The following ITGBL1 variants were observed in gnomAD, a reference collection of about 807,000 sequenced individuals.
ITGBL1 encodes the protein integrin subunit beta like 1.
In ITGBL1, 51 loss-of-function variants were observed where a neutral mutation model predicts 68.5. The ratio of observed to expected loss-of-function variants is 0.74; its 90% CI spans 0.59 to 0.94. The LOEUF is 0.94. Among genes scored for constraint, ITGBL1 ranks in the 40% least tolerant of loss-of-function variants. The probability of loss-of-function intolerance (pLI) is 0.00; values close to 1 mark genes in which losing one functional copy is unlikely to be tolerated. For missense variants in ITGBL1, 649 were observed against 647.4 expected, an observed-to-expected ratio of 1.00 and a Z score of -0.03; for synonymous variants, 209 against 227.3, an observed-to-expected ratio of 0.92 and a Z score of 0.72.
intron 2 of ITGBL1, among the ~76,000 whole-genome samples, chr13:101,523,048 G>A (rs1478951711): frequency 6.6e-6 from 1 of 152,108 alleles, no homozygotes. Context: ...AGTTAAAAAT[G>A]CAGACAAATG....
intron 4 of ITGBL1, 47 bp from the exon 5 acceptor site, chr13:101,579,240 T>C (rs1450368821): frequency 6.3e-7 from 1 of 1,596,576 alleles, no homozygotes. Context: ...ATTCTGCTTA[T>C]GAAAGTTGCT....
chr13:101,599,797 T>C (rs1160589494), intron 7 of ITGBL1, among the ~76,000 whole-genome samples: 1 of 152,166 alleles, frequency 6.6e-6, no homozygotes, highest in Non-Finnish European at 1.5e-5. Flanking sequence ...TTGATCTATA[T>C]CTCTGTTTTG....
intron 8 of ITGBL1, among the ~76,000 whole-genome samples, chr13:101,705,848 T>C (rs2139585460): frequency 6.6e-6 from 1 of 152,176 alleles, no homozygotes; most frequent in South Asian, 2.1e-4. Flanking sequence ...ACTTTGTCCA[T>C]GGTGCTTGAT....
chr13:101,631,116 A>G (rs1023368410), intron 7 of ITGBL1, among the ~76,000 whole-genome samples: 6 of 152,166 alleles, frequency 3.9e-5, no homozygotes, highest in African/African-American at 1.4e-4. Flanking sequence ...AACTCTGTCC[A>G]ACCAATATTT....
chr13:101,616,355 T>A (rs1249422721), intron 7 of ITGBL1, among the ~76,000 whole-genome samples: 1 of 152,166 alleles, frequency 6.6e-6, no homozygotes, highest in African/African-American at 2.4e-5. Context: ...AGATCTCCAG[T>A]GTGAATATGA....
chr13:101,541,590 C>T (rs980446701), intron 2 of ITGBL1, among the ~76,000 whole-genome samples: 5 of 152,058 alleles, frequency 3.3e-5, no homozygotes, highest in African/African-American at 1.2e-4. Flanking sequence ...GGGAGGATTC[C>T]CTCTTTTTCT....
intron 7 of ITGBL1, among the ~76,000 whole-genome samples, chr13:101,631,247 T>C (rs889189618): frequency 3.3e-5 from 5 of 152,178 alleles, no homozygotes; most frequent in African/African-American, 1.2e-4. Flanking sequence ...TTAGTAAATA[T>C]CTTGGGGAAT....
chr13:101,624,545 G>C (rs575631402), intron 7 of ITGBL1, among the ~76,000 whole-genome samples: 1 of 152,230 alleles, frequency 6.6e-6, no homozygotes, highest in African/African-American at 2.4e-5. Flanking sequence ...GAAAAACAGA[G>C]GTAGAATAAA....
At chr13:101,531,630 ATTTC>A (rs1019148075) in intron 2 of ITGBL1, among the ~76,000 whole-genome samples, 6 of 146,714 alleles carry the variant, frequency 4.1e-5, no homozygotes, top group African/African-American at 1.5e-4. Context: ...GATTTACTTT[ATTTC>A]TTAAGTAGTT....
At chr13:101,653,870 G>GTTTTTTTTTTTT (rs1156397350) in intron 7 of ITGBL1, among the ~76,000 whole-genome samples, 1 of 55,132 alleles carries the variant, frequency 1.8e-5, no homozygotes, top group Non-Finnish European at 4.1e-5. Flanking sequence ...TTTGTTTTTT[G>GTTTTTTTTTTTT]TTTTTTTTTT....
chr13:101,499,845 T>G (rs1423913659), intron 2 of ITGBL1, among the ~76,000 whole-genome samples: 1 of 152,236 alleles, frequency 6.6e-6, no homozygotes, highest in African/African-American at 2.4e-5. Flanking sequence ...AGGGCTTAGA[T>G]GCCTGTGTCC....
chr13:101,618,163 G>A (rs1462371598), intron 7 of ITGBL1, among the ~76,000 whole-genome samples: 1 of 152,262 alleles, frequency 6.6e-6, no homozygotes, highest in Admixed American at 6.5e-5. Context: ...TACATGGGGG[G>A]AAATTATGTT....
At chr13:101,623,552 C>T (rs1169212294) in intron 7 of ITGBL1, among the ~76,000 whole-genome samples, 1 of 152,160 alleles carries the variant, frequency 6.6e-6, no homozygotes, top group Non-Finnish European at 1.5e-5. Context: ...TCATGTATGG[C>T]TCCCATACAG....
chr13:101,574,809 TC>T (rs2050329669), intron 3 of ITGBL1, among the ~76,000 whole-genome samples: 1 of 151,914 alleles, frequency 6.6e-6, no homozygotes, highest in African/African-American at 2.4e-5. Flanking sequence ...AACGTGGAGG[TC>T]CCCTGAGAAT....
intron 7 of ITGBL1, among the ~76,000 whole-genome samples, chr13:101,620,988 A>G (rs1356516763): frequency 6.6e-6 from 1 of 152,118 alleles, no homozygotes; most frequent in Non-Finnish European, 1.5e-5. Flanking sequence ...TTTCCTCTCC[A>G]AAAGAATAAG....
chr13:101,476,314 TA>T (rs1448444095), intron 2 of ITGBL1, among the ~76,000 whole-genome samples: 1 of 152,080 alleles, frequency 6.6e-6, no homozygotes, highest in Non-Finnish European at 1.5e-5. Context: ...AGCTTCATAG[TA>T]ACCTCAATTC....
intron 4 of ITGBL1, among the ~76,000 whole-genome samples, chr13:101,576,953 G>GA (rs1475297714): frequency 5.0e-3 from 401 of 80,764 alleles, no homozygotes; most frequent in Non-Finnish European, 7.9e-3. Flanking sequence ...ATTATAGATG[G>GA]AAAAAAAAAA....
chr13:101,657,317 A>C (rs139998344), intron 7 of ITGBL1, among the ~76,000 whole-genome samples: 206 of 152,242 alleles, frequency 1.4e-3, no homozygotes, highest in African/African-American at 4.8e-3. Context: ...ATTTTATTCA[A>C]CCTCATTGTT....
chr13:101,540,045 TCTTTA>T (rs1300586691), intron 2 of ITGBL1, among the ~76,000 whole-genome samples: 17 of 152,200 alleles, frequency 1.1e-4, no homozygotes, highest in South Asian at 4.1e-4. Context: ...GTGCAGAAGC[TCTTTA>T]CTTTAATTAG....
Sources: allele counts gnomAD v4.1 joint callset (sites outside exome capture counted in the v4.1 genomes callset), GRCh38; gene constraint gnomAD v4.1.1; transcripts MANE v1.5; gene names NCBI Gene and HGNC (gene_info 2026-07-23, HGNC 2026-07-21).